The following KATNAL1 variants were observed in gnomAD, a reference collection of about 807,000 sequenced individuals.
KATNAL1 encodes katanin p60 ATPase-containing subunit A-like 1.
In KATNAL1, 32 loss-of-function variants were observed where a neutral mutation model predicts 55.2. That is an observed-to-expected ratio of 0.58 (90% CI 0.44 to 0.78). KATNAL1 has a LOEUF of 0.78. KATNAL1 is among the 30% of genes least tolerant of loss of function. The probability of loss-of-function intolerance (pLI) is 0.00; values close to 1 mark genes in which losing one functional copy is unlikely to be tolerated. For synonymous variants in KATNAL1, 193 were observed against 193.6 expected, an observed-to-expected ratio of 1.00 and a Z score of 0.02; for missense variants, 466 against 600.9, an observed-to-expected ratio of 0.78 and a Z score of 2.35.
At chr13:30,244,893 T>G (rs1877631583) in intron 4 of KATNAL1, among the ~76,000 whole-genome samples, 1 of 151,762 alleles carries the variant, frequency 6.6e-6, no homozygotes, top group Non-Finnish European at 1.5e-5. Context: ...GTTCTGAAAT[T>G]GAGACAGTAA....
chr13:30,305,196 T>C (rs528235732), intron 1 of KATNAL1, among the ~76,000 whole-genome samples: 1 of 152,180 alleles, frequency 6.6e-6, no homozygotes, highest in Non-Finnish European at 1.5e-5. Context: ...CAAGAAAAAT[T>C]CTAAACTCTG....
chr13:30,251,547 G>C (rs1878320745), intron 4 of KATNAL1, among the ~76,000 whole-genome samples: 1 of 152,166 alleles, frequency 6.6e-6, no homozygotes, highest in African/African-American at 2.4e-5. Flanking sequence ...GTGCCATCTA[G>C]AAGGAACAGA....
intron 1 of KATNAL1, among the ~76,000 whole-genome samples, chr13:30,293,963 T>C (rs1882307104): frequency 6.6e-6 from 1 of 152,210 alleles, no homozygotes; most frequent in South Asian, 2.1e-4. Context: ...ACTGTTGTAA[T>C]TGTATTGGGG....
chr13:30,227,981 TTTAC>T (rs761124244), intron 8 of KATNAL1, among the ~76,000 whole-genome samples: 5 of 152,200 alleles, frequency 3.3e-5, no homozygotes, highest in Non-Finnish European at 7.3e-5. Flanking sequence ...AGGGTTCACA[TTTAC>T]TTAATATTCT....
intron 3 of KATNAL1, among the ~76,000 whole-genome samples, chr13:30,272,340 G>A (rs1035544544): frequency 1.2e-4 from 19 of 152,148 alleles, no homozygotes; most frequent in African/African-American, 3.9e-4. Context: ...GGAGGTTGCA[G>A]TGAGCTGAGA....
chr13:30,303,521 C>T (rs1026623910), intron 1 of KATNAL1, among the ~76,000 whole-genome samples: 1 of 152,226 alleles, frequency 6.6e-6, no homozygotes, highest in Non-Finnish European at 1.5e-5. Flanking sequence ...GCTATGACTG[C>T]ACCATTGCAT....
intron 1 of KATNAL1, among the ~76,000 whole-genome samples, chr13:30,290,593 T>C (rs1882071395): frequency 6.6e-6 from 1 of 152,222 alleles, no homozygotes. Flanking sequence ...CCAACTCATA[T>C]TTTAAAGCCA....
chr13:30,232,801 G>A (rs535629432), intron 6 of KATNAL1, among the ~76,000 whole-genome samples: 8 of 151,396 alleles, frequency 5.3e-5, no homozygotes, highest in Admixed American at 4.0e-4. Flanking sequence ...CTTTCCCCTC[G>A]GTATACAAAT....
chr13:30,210,536 C>T, intron 9 of KATNAL1, 94 bp from the exon 10 acceptor site: 1 of 1,119,812 alleles, frequency 8.9e-7, no homozygotes, highest in Non-Finnish European at 1.3e-6. Context: ...AAAAATGAGG[C>T]CAATGCAAAG....
rs1159641993 is a variant in KATNAL1, at chr13:30,307,414, CCGA to C, written c.-101_-99del. The C allele has an allele frequency of 1.3e-5, 2 of 155,726 alleles. No individual in the cohort carries two copies. Among genetic ancestry groups the C allele is most frequent in the Non-Finnish European group, 2.8e-5 (2 of 70,558 alleles). The allele number at this position is 155,726 out of a possible 1,614,324, so 9.6% of individuals were successfully genotyped here. A position where few individuals can be genotyped will look rare whatever the true frequency, so the allele number is the denominator to read the frequency against. ...GCGCAGGCCGCCGCCGCCGCCGCCG[CCGA>C]GTCCGTTAGCTCGCGACGTGCGTGA... is the stretch of plus-strand genomic sequence containing the variant. On this transcript the variant is annotated 5_prime_UTR_variant, in exon 1 of 11. Coordinates refer to ENST00000380615, the MANE Select transcript of KATNAL1 (RefSeq NM_032116.5).
chr13:30,274,907 G>GCGCGCGCGCGCGCGCGCGCACA (rs869107567), intron 3 of KATNAL1, among the ~76,000 whole-genome samples: 23 of 105,376 alleles, frequency 2.2e-4, no homozygotes, highest in Non-Finnish European at 3.7e-4. Context: ...GCGCGCGCGC[G>GCGCGCGCGCGCGCGCGCGCACA]CACACACACA....
At chr13:30,224,535 TA>T (rs796588319) in intron 9 of KATNAL1, among the ~76,000 whole-genome samples, 554 of 137,220 alleles carry the variant, frequency 4.0e-3, no homozygotes, top group Middle Eastern at 7.4e-3. Flanking sequence ...CTCTGTCTCT[TA>T]AAAAAAAAAA....
chr13:30,276,279 G>A (rs953786626), intron 3 of KATNAL1, among the ~76,000 whole-genome samples: 7 of 152,282 alleles, frequency 4.6e-5, no homozygotes, highest in Non-Finnish European at 7.4e-5. Flanking sequence ...CTCAGCAGAT[G>A]CATGACACAG....
chr13:30,229,041 T>C (rs1593852496), intron 8 of KATNAL1, among the ~76,000 whole-genome samples: 2 of 152,160 alleles, frequency 1.3e-5, no homozygotes, highest in African/African-American at 2.4e-5. Flanking sequence ...GCATGAGCCA[T>C]TGCACTCAGT....
chr13:30,298,172 T>A (rs1236505882), intron 1 of KATNAL1, among the ~76,000 whole-genome samples: 3 of 152,236 alleles, frequency 2.0e-5, no homozygotes, highest in African/African-American at 7.2e-5. Context: ...TATCGCAATA[T>A]TTGCTTTACC....
intron 6 of KATNAL1, among the ~76,000 whole-genome samples, chr13:30,236,029 A>T (rs1001913584): frequency 6.6e-6 from 1 of 152,222 alleles, no homozygotes; most frequent in African/African-American, 2.4e-5. Context: ...ATGGAAGTGT[A>T]TCACCTTAAA....
rs556521645 is a variant in KATNAL1, at chr13:30,206,557, A to C, written c.*1983T>G. The C allele has an allele frequency of 2.0e-5, 3 of 152,286 alleles. No individual in the cohort carries two copies. The highest frequency in any genetic ancestry group is 7.2e-5 in the African/African-American group (3 of 41,578). 9.4% of individuals were successfully genotyped at this position (152,286 alleles called of 1,614,324 possible). ...CCATGAAGAATTCAGAAAAATAATT[A>C]AATGCACACCAAGATAATCAATACA... On this transcript the variant is annotated 3_prime_UTR_variant, in exon 11 of 11. Coordinates refer to ENST00000380615, the MANE Select transcript of KATNAL1 (RefSeq NM_032116.5).
chr13:30,260,671 A>G (rs1249316621), intron 3 of KATNAL1, among the ~76,000 whole-genome samples: 10 of 152,114 alleles, frequency 6.6e-5, no homozygotes, highest in Middle Eastern at 6.8e-3. Context: ...ATTTAGAGAA[A>G]AAAGGATAAA....
chr13:30,216,039 C>G (rs1191515455), intron 9 of KATNAL1, among the ~76,000 whole-genome samples: 1 of 151,996 alleles, frequency 6.6e-6, no homozygotes, highest in Admixed American at 6.6e-5. Context: ...CACACAGTAA[C>G]AAAAATGAAT....
Sources: allele counts gnomAD v4.1 joint callset (sites outside exome capture counted in the v4.1 genomes callset), GRCh38; gene constraint gnomAD v4.1.1; transcripts MANE v1.5; gene names NCBI Gene and HGNC (gene_info 2026-07-23, HGNC 2026-07-21).